LRRTM4: variants seen among roughly 807,000 people sequenced by gnomAD.
LRRTM4 encodes the protein leucine rich repeat transmembrane neuronal 4.
LRRTM4 carries 25 observed loss-of-function variants against 47.6 expected under a neutral mutation model. The observed-to-expected ratio is 0.53, with a 90% CI of 0.38 to 0.73. The LOEUF (loss-of-function observed/expected upper bound fraction) is 0.73. Ranked by LOEUF, LRRTM4 falls within the 30% of genes least tolerant of loss-of-function variation. LRRTM4 has a pLI of 0.00. For synonymous variants in LRRTM4, 311 were observed against 269.5 expected, an observed-to-expected ratio of 1.15 and a Z score of -1.51; for missense variants, 638 against 713.4, an observed-to-expected ratio of 0.89 and a Z score of 1.20.
intron 3 of LRRTM4, among the ~76,000 whole-genome samples, chr2:77,375,858 G>T (rs1161490204): frequency 1.3e-5 from 2 of 151,536 alleles, no homozygotes; most frequent in African/African-American, 4.8e-5. Flanking sequence ...AGCTGTTTCT[G>T]CATCTTGGCT....
rs201379610 is a variant in LRRTM4 at position 77,396,384 on chromosome 2, T to A, written c.1551+121934A>T. ...TTCTAGCAATTTAGGCATGTTTTTT[T>A]ATCTCTGCTAAGGTTTTTACAGGTA... On this transcript the variant is annotated intron_variant, in intron 3 of 3. Transcript: ENST00000409884. Among the ~76,000 whole-genome samples the A allele has an allele frequency of 1.3e-4, 19 of 151,978 alleles. No individual in the cohort carries two copies. The East Asian group carries it at 1.5e-3, about 12-fold the overall frequency.
intron 3 of LRRTM4, among the ~76,000 whole-genome samples, chr2:76,817,182 CA>C (rs1670927292): frequency 6.6e-6 from 1 of 151,904 alleles, no homozygotes; most frequent in Admixed American, 6.6e-5. Context: ...GCCTGAAAAC[CA>C]TGAGTGCCAG....
At chr2:76,783,923 T>C (rs1173951040) in intron 3 of LRRTM4, among the ~76,000 whole-genome samples, 1 of 152,186 alleles carries the variant, frequency 6.6e-6, no homozygotes, top group Non-Finnish European at 1.5e-5. Context: ...AACTGCTTGG[T>C]AATATCCAGA....
chr2:77,200,361 T>G (rs1673939532), intron 3 of LRRTM4, among the ~76,000 whole-genome samples: 2 of 152,244 alleles, frequency 1.3e-5, no homozygotes, highest in South Asian at 4.1e-4. Flanking sequence ...GATATAGACA[T>G]CAGTTGACAA....
intron 3 of LRRTM4, among the ~76,000 whole-genome samples, chr2:77,193,991 A>G (rs1051321783): frequency 2.0e-5 from 3 of 152,174 alleles, no homozygotes; most frequent in East Asian, 1.9e-4. Flanking sequence ...TTGCAGTTTC[A>G]TAGTTCTGAA....
intron 3 of LRRTM4, among the ~76,000 whole-genome samples, chr2:77,312,646 ACT>A (rs1677489499): frequency 3.3e-5 from 5 of 152,136 alleles, no homozygotes; most frequent in African/African-American, 1.2e-4. Context: ...ACACACACAC[ACT>A]CACACACACT....
chr2:77,266,090 T>C (rs1254686739), intron 3 of LRRTM4, among the ~76,000 whole-genome samples: 2 of 152,202 alleles, frequency 1.3e-5, no homozygotes, highest in South Asian at 2.1e-4. Flanking sequence ...TTACACATTG[T>C]TGATGGCTAC....
At position 77,418,143 on chromosome 2, in the gene LRRTM4, G is replaced by T. The variant is rs577313623; in HGVS notation, c.1551+100175C>A. Reference sequence around the variant, plus strand: ...ACAATTGTGCTATTTCTGTGTCAAGGGTTCTTAGCGTAGACCCTAACTAAA... The same window carrying T: ...ACAATTGTGCTATTTCTGTGTCAAGTGTTCTTAGCGTAGACCCTAACTAAA... On this transcript the variant is annotated intron_variant, in intron 3 of 3. Coordinates refer to ENST00000409884, the MANE Select transcript of LRRTM4 (RefSeq NM_001134745.3). 5.9e-5 allele frequency among the ~76,000 whole-genome samples: 9 copies of T among 152,174 alleles called. No individual in the cohort carries two copies. The South Asian group carries it at 1.5e-3, about 25-fold the overall frequency.
At position 77,362,103 on chromosome 2, in the gene LRRTM4, A is replaced by AAGAAAGAG. The variant is rs1378073032; in HGVS notation, c.1551+156214_1551+156215insCTCTTTCT. ...ACTCAGTCTCAAAAAAGGAAAAGGA[A>AAGAAAGAG]AGAAAGAAAGAGAGAAAGAAAGAAA... On this transcript the variant is annotated intron_variant, in intron 3 of 3. Coordinates refer to ENST00000409884, the MANE Select transcript of LRRTM4 (RefSeq NM_001134745.3). 2.6e-3 allele frequency among the ~76,000 whole-genome samples: 342 copies of AAGAAAGAG among 133,558 alleles called. 2 individuals are homozygous for AAGAAAGAG. The highest frequency in any genetic ancestry group is 9.2e-3 in the African/African-American group (326 of 35,306). The allele number at this position is 133,558 out of a possible 152,430, so 87.6% of individuals were successfully genotyped here. A position where few individuals can be genotyped will look rare whatever the true frequency, so the allele number is the denominator to read the frequency against.
chr2:77,035,595 T>C (rs1246955074), intron 3 of LRRTM4, among the ~76,000 whole-genome samples: 1 of 151,966 alleles, frequency 6.6e-6, no homozygotes, highest in African/African-American at 2.4e-5. Flanking sequence ...TAAGCTGTTA[T>C]AATTTTGTTA....
intron 3 of LRRTM4, among the ~76,000 whole-genome samples, chr2:77,100,168 A>G (rs553210774): frequency 1.3e-5 from 2 of 152,282 alleles, no homozygotes; most frequent in East Asian, 1.9e-4. Flanking sequence ...GATAATGTTG[A>G]CTGCGATAGA....
intron 3 of LRRTM4, among the ~76,000 whole-genome samples, chr2:76,998,477 T>G (rs1432226452): frequency 6.6e-6 from 1 of 151,942 alleles, no homozygotes; most frequent in Non-Finnish European, 1.5e-5. Flanking sequence ...AGATCCATGA[T>G]GCACACACAC....
At chr2:77,013,474 G>C (rs1230337260) in intron 3 of LRRTM4, among the ~76,000 whole-genome samples, 1 of 150,608 alleles carries the variant, frequency 6.6e-6, no homozygotes, top group African/African-American at 2.5e-5. Flanking sequence ...AATGGAAGTT[G>C]CAGCCAAGCC....
At position 76,909,255 on chromosome 2, in the gene LRRTM4, G is replaced by A. The variant is rs530860445; in HGVS notation, c.1552-160339C>T. Among the ~76,000 whole-genome samples, 24 of 152,174 alleles carry A rather than the reference G, an allele frequency of 1.6e-4. No homozygotes were observed. The South Asian group carries it at 3.9e-3, about 25-fold the overall frequency. On this transcript the variant is annotated intron_variant, in intron 3 of 3. Transcript: ENST00000409884. ...ACAAGCAATGGGGAAAGGATTCCCT[G>A]TCTAATAAATGGTGCTGGGAAAACT...
At chr2:77,103,629 AGT>A (rs1671014403) in intron 3 of LRRTM4, among the ~76,000 whole-genome samples, 1 of 145,090 alleles carries the variant, frequency 6.9e-6, no homozygotes, top group African/African-American at 2.6e-5. Context: ...AATTCAGGAG[AGT>A]GTTATATACA....
At chr2:76,966,322 A>G (rs1218799729) in intron 3 of LRRTM4, among the ~76,000 whole-genome samples, 1 of 151,354 alleles carries the variant, frequency 6.6e-6, no homozygotes, top group Non-Finnish European at 1.5e-5. Context: ...AGCAGGGAGC[A>G]AAGGAGGAAG....
intron 3 of LRRTM4, among the ~76,000 whole-genome samples, chr2:76,876,806 ATT>A (rs1242688474): frequency 6.6e-6 from 1 of 151,996 alleles, no homozygotes; most frequent in Non-Finnish European, 1.5e-5. Context: ...ATCTCTGTCA[ATT>A]TTTTATTTTG....
chr2:77,440,432 C>CT (rs1675796499), intron 3 of LRRTM4, among the ~76,000 whole-genome samples: 1 of 151,992 alleles, frequency 6.6e-6, no homozygotes, highest in Admixed American at 6.6e-5. Context: ...AAAAAAAACT[C>CT]TGTGTGAGAG....
intron 3 of LRRTM4, among the ~76,000 whole-genome samples, chr2:76,881,216 A>C (rs1558710490): frequency 6.6e-6 from 1 of 152,196 alleles, no homozygotes; most frequent in Non-Finnish European, 1.5e-5. Flanking sequence ...ATCATGTGTC[A>C]AATTTTAAAA....
Sources: allele counts gnomAD v4.1 joint callset (sites outside exome capture counted in the v4.1 genomes callset), GRCh38; gene constraint gnomAD v4.1.1; transcripts MANE v1.5; gene names NCBI Gene and HGNC (gene_info 2026-07-23, HGNC 2026-07-21).